The following CLUL1 variants were observed in gnomAD, a reference collection of about 807,000 sequenced individuals.
CLUL1 encodes clusterin-like protein 1.
CLUL1 carries 43 observed loss-of-function variants against 49.4 expected under a neutral mutation model. That is an observed-to-expected ratio of 0.87 (90% CI 0.68 to 1.12). CLUL1 has a LOEUF of 1.12. Among genes scored for constraint, CLUL1 ranks in the 50% most tolerant of loss-of-function variants. The pLI is 0.00. For missense variants in CLUL1, 486 were observed against 544.4 expected, an observed-to-expected ratio of 0.89 and a Z score of 1.07; for synonymous variants, 192 against 184.9, an observed-to-expected ratio of 1.04 and a Z score of -0.31.
In CLUL1 at chr18:624,896, A is replaced by C. The variant is rs1354443118; in HGVS notation, c.287A>C (p.Glu96Ala). ...EALKLLNEVQ[E>A]HLEEEERLCR... ...CTGAAACTTCTGAATGAAGTTCAAG[A>C]ACATCTGGAGGAAGAAGAAAGGCTA... Residue 96 changes from glutamate to alanine, a missense_variant, in exon 5 of 10, where the codon GAA becomes GCA. Coordinates refer to ENST00000692774, the MANE Select transcript of CLUL1 (RefSeq NM_001393344.1). 1 of 1,614,130 alleles carries C rather than the reference A, an allele frequency of 6.2e-7. No individual in the cohort carries two copies. The highest frequency in any genetic ancestry group is 2.2e-5 in the East Asian group (1 of 44,888).
At chr18:645,810 A>AAAATATATATATAT (rs1451607900) in intron 9 of CLUL1, among the ~76,000 whole-genome samples, 2 of 29,868 alleles carry the variant, frequency 6.7e-5, no homozygotes, top group Non-Finnish European at 1.2e-4. Context: ...AAAAAAAAAA[A>AAAATATATATATAT]ATATATATAT....
intron 8 of CLUL1, among the ~76,000 whole-genome samples, chr18:644,577 C>A (rs1264026239): frequency 6.6e-6 from 1 of 152,186 alleles, no homozygotes; most frequent in Non-Finnish European, 1.5e-5. Context: ...GAAAAGGGTT[C>A]TTTGTAGATT....
In CLUL1 at chr18:610,566, G is replaced by A. The variant is rs371711079; in HGVS notation, c.-14+3467G>A. ...GTCTGTGGTTCCAGGTAACTTCATC[G>A]AAAGAGAGTTTCAGGCAGTAGAAAT... On this transcript the variant is annotated intron_variant, in intron 2 of 9. Transcript: ENST00000692774. Among the ~76,000 whole-genome samples, 27 of 152,230 alleles carry A rather than the reference G, an allele frequency of 1.8e-4. No homozygotes were observed. In the South Asian group the frequency reaches 3.9e-3, roughly 22 times the overall value.
chr18:625,968 A>G (rs1465203138), intron 5 of CLUL1, among the ~76,000 whole-genome samples: 2 of 152,214 alleles, frequency 1.3e-5, no homozygotes, highest in African/African-American at 4.8e-5. Context: ...GCAGGAAGTC[A>G]GGAGATATGG....
intron 1 of CLUL1, among the ~76,000 whole-genome samples, chr18:602,826 G>A (rs1265106951): frequency 6.6e-6 from 1 of 152,148 alleles, no homozygotes; most frequent in Non-Finnish European, 1.5e-5. Context: ...ACAGCAAGGA[G>A]GGAAAATAAA....
chr18:604,726 G>A (rs1014138339), intron 1 of CLUL1, among the ~76,000 whole-genome samples: 1 of 152,178 alleles, frequency 6.6e-6, no homozygotes, highest in South Asian at 2.1e-4. Flanking sequence ...GAAGAACTAG[G>A]TACCCTGACA....
At chr18:619,395 C>G (rs1004921425) in intron 4 of CLUL1, 34 bp downstream of exon 4, 2 of 1,570,634 alleles carry the variant, frequency 1.3e-6, no homozygotes, top group African/African-American at 1.4e-5. Context: ...TGTTCTTACA[C>G]AGATCTGGAC....
At chr18:646,619 G>T (rs1567980550) in intron 9 of CLUL1, among the ~76,000 whole-genome samples, 1 of 151,730 alleles carries the variant, frequency 6.6e-6, no homozygotes, top group African/African-American at 2.4e-5. Context: ...ATTCTGGTAG[G>T]GAAGATACTT....
chr18:639,477 CAT>C (rs1485617124), intron 7 of CLUL1, among the ~76,000 whole-genome samples: 1 of 132,822 alleles, frequency 7.5e-6, no homozygotes, highest in African/African-American at 2.9e-5. Context: ...GAAACGGGCA[CAT>C]GTCTGGCTGG....
In CLUL1 at chr18:633,289, T is replaced by C. The variant is rs1474974386; in HGVS notation, c.857-9T>C. 1.0e-5 allele frequency: 16 copies of C among 1,606,654 alleles called. No individual in the cohort carries two copies. Among genetic ancestry groups the C allele is most frequent in the Non-Finnish European group, 1.4e-5 (16 of 1,176,706 alleles). On this transcript the variant is annotated splice_polypyrimidine_tract_variant and intron_variant, in intron 6 of 9. Transcript: ENST00000692774. ...TGACACTAACGTGTAAATGTTATGT[T>C]CCCTGTAGCTCCTGACCACGGAGGC...
At chr18:625,758 G>T (rs1388661699) in intron 5 of CLUL1, among the ~76,000 whole-genome samples, 1 of 152,110 alleles carries the variant, frequency 6.6e-6, no homozygotes. Flanking sequence ...AAATTGAGTG[G>T]AATTTCACGC....
intron 7 of CLUL1, among the ~76,000 whole-genome samples, chr18:638,384 T>C (rs1254052509): frequency 6.6e-6 from 1 of 152,168 alleles, no homozygotes; most frequent in Non-Finnish European, 1.5e-5. Flanking sequence ...AGATAATACA[T>C]TAAAATGCAC....
intron 7 of CLUL1, among the ~76,000 whole-genome samples, chr18:638,630 G>C (rs149423626): frequency 0.14 from 21,080 of 152,128 alleles, 2,180 homozygotes; most frequent in African/African-American, 0.29. Flanking sequence ...GGCTGAGGCA[G>C]GTGAATCACT....
At chr18:613,987 A>C (rs1157069070) in intron 2 of CLUL1, among the ~76,000 whole-genome samples, 1 of 152,216 alleles carries the variant, frequency 6.6e-6, no homozygotes, top group Non-Finnish European at 1.5e-5. Flanking sequence ...AGAACTTCAG[A>C]GCTGGGAGTA....
intron 7 of CLUL1, 80 bp from the exon 8 acceptor site, chr18:641,247 G>A: frequency 1.7e-6 from 2 of 1,149,924 alleles, no homozygotes; most frequent in South Asian, 1.3e-5. Context: ...AGAATGTAAG[G>A]GCTGGGACTT....
rs534082165 is a variant in CLUL1, at chr18:640,294, T to C, written c.995-1033T>C. Among the ~76,000 whole-genome samples the C allele has an allele frequency of 8.6e-5, 13 of 151,836 alleles. No individual in the cohort carries two copies. In the East Asian group the frequency reaches 1.8e-3, roughly 21 times the overall value. ...GCATGGTGGTGTGAGCCTGTAGTCC[T>C]AGCTACTCAGGAGGCTAAGGTGGAA... On this transcript the variant is annotated intron_variant, in intron 7 of 9. Transcript: ENST00000692774.
At chr18:603,291 G>T (rs1416668926) in intron 1 of CLUL1, among the ~76,000 whole-genome samples, 2 of 151,994 alleles carry the variant, frequency 1.3e-5, no homozygotes, top group African/African-American at 4.8e-5. Flanking sequence ...AAGAAGCATT[G>T]GTTTAAAAGA....
At chr18:645,710 C>T (rs1284282534) in intron 9 of CLUL1, among the ~76,000 whole-genome samples, 4 of 145,008 alleles carry the variant, frequency 2.8e-5, no homozygotes, top group South Asian at 2.2e-4. Context: ...AGGAGAATGG[C>T]GTGAACCCGG....
rs1470101457 is a variant in CLUL1 at position 618,075 on chromosome 18, G to A, written c.75G>A (p.Lys25=). The change falls in exon 3 of 10, where the codon AAG becomes AAA. Residue 25 remains lysine, a synonymous_variant. Transcript: ENST00000692774. The surrounding 1 kb of genome is among the most constrained non-coding windows in gnomAD (Gnocchi z 4.2). ...ACAGTCACTGCGCACCCACTTGGAA[G>A]GACAAAACTGCTATCAGTGAAAACC... The part of the protein sequence containing the change: ...LKDSHCAPTW[K]DKTAISENLK... 6.2e-6 allele frequency: 10 copies of A among 1,614,018 alleles called. No individual in the cohort carries two copies. Among genetic ancestry groups the A allele is most frequent in the Non-Finnish European group, 8.5e-6 (10 of 1,179,894 alleles).
Sources: gnomAD v4.1 joint callset for allele counts (sites outside exome capture counted in the v4.1 genomes callset) on GRCh38, gnomAD v4.1.1 for gene constraint, Gnocchi (gnomAD v3.1) non-coding constraint, MANE v1.5 for transcripts, NCBI Gene and HGNC (gene_info 2026-07-23, HGNC 2026-07-21) for gene names.